The following PCSK1 variants were observed in gnomAD, a reference collection of about 807,000 sequenced individuals.
PCSK1 encodes the protein proprotein convertase subtilisin/kexin type 1.
A neutral mutation model predicts 90.6 loss-of-function variants in PCSK1; 56 were observed. That is an observed-to-expected ratio of 0.62 (90% CI 0.50 to 0.77). The LOEUF is 0.77. Among genes scored for constraint, PCSK1 ranks in the 30% least tolerant of loss-of-function variants. PCSK1 has a pLI of 0.00. For missense variants in PCSK1, 801 were observed against 932.6 expected (o/e 0.86, Z 1.84); for synonymous variants, 348 against 342.4 (o/e 1.02, Z -0.18).
chr5:96,399,069 GT>G, intron 10 of PCSK1, 33 bp from the exon 11 acceptor site: 1 of 1,530,598 alleles, frequency 6.5e-7, no homozygotes, highest in Non-Finnish European at 9.0e-7. Context: ...ATTGAATAAA[GT>G]ATATCCAAAC....
intron 2 of PCSK1, among the ~76,000 whole-genome samples, chr5:96,427,754 G>C (rs1208018945): frequency 6.6e-6 from 1 of 152,152 alleles, no homozygotes; most frequent in Non-Finnish European, 1.5e-5. Context: ...AGTTCTATGT[G>C]CATTAATGGG....
In PCSK1 at chr5:96,412,432, G is replaced by A. The variant is rs755173895; in HGVS notation, c.768C>T (p.Phe256=). ...TDAIEASSIG[F]NPGHVDIYSA... ...TGTAAATATCCACGTGTCCAGGATTGAATCCAATTGAACTGGCCTCAATAG... is the reference window on the plus strand; with the variant it reads ...TGTAAATATCCACGTGTCCAGGATTAAATCCAATTGAACTGGCCTCAATAG... Residue 256 remains phenylalanine (F), a synonymous_variant, in exon 7 of 14, where the codon TTC becomes TTT. Transcript: ENST00000311106. 2 of 1,613,750 alleles carry A rather than the reference G, an allele frequency of 1.2e-6. No homozygotes were observed. Among genetic ancestry groups the A allele is most frequent in the African/African-American group, 1.3e-5 (1 of 74,886 alleles).
chr5:96,407,411 A>G (rs535096793), intron 9 of PCSK1, among the ~76,000 whole-genome samples: 1 of 152,340 alleles, frequency 6.6e-6, no homozygotes, highest in South Asian at 2.1e-4. Context: ...TCACCTATCA[A>G]CATAGCAAAT....
chr5:96,397,837 A>G (rs1041822790), intron 11 of PCSK1, among the ~76,000 whole-genome samples: 2 of 152,146 alleles, frequency 1.3e-5, no homozygotes, highest in Admixed American at 1.3e-4. Flanking sequence ...TGAAACTATC[A>G]TTTCTGAAGT....
chr5:96,420,079 G>T (rs1761072179), intron 5 of PCSK1, among the ~76,000 whole-genome samples: 1 of 152,096 alleles, frequency 6.6e-6, no homozygotes, highest in African/African-American at 2.4e-5. Context: ...CTTAACCAAG[G>T]GGGTGGAATG....
In PCSK1 at chr5:96,401,450, G is replaced by A. The variant is rs185139343; in HGVS notation, c.1197-1264C>T. ...GAGAACCTGGCATGCCAGAAAGGGA[G>A]CTTATACTTTATCTTTTGGGCAGTG... On this transcript the variant is annotated intron_variant, in intron 9 of 13. Coordinates refer to ENST00000311106, the MANE Select transcript of PCSK1 (RefSeq NM_000439.5). Among the ~76,000 whole-genome samples, 8 of 152,322 alleles carry A rather than the reference G, an allele frequency of 5.3e-5. No homozygotes were observed. The East Asian group carries it at 1.5e-3, about 29-fold the overall frequency.
intron 3 of PCSK1, among the ~76,000 whole-genome samples, chr5:96,425,003 G>GA (rs1561376164): frequency 1.9e-5 from 2 of 106,412 alleles, no homozygotes; most frequent in Non-Finnish European, 3.7e-5. Context: ...GAAAGAGAAA[G>GA]AAAGAAAAGA....
intron 13 of PCSK1, 24 bp from the exon 14 acceptor site, chr5:96,393,402 A>C: frequency 6.2e-7 from 1 of 1,612,856 alleles, no homozygotes; most frequent in Non-Finnish European, 8.5e-7. Context: ...TGCCATCCAC[A>C]AAGGGAAGAA....
intron 7 of PCSK1, among the ~76,000 whole-genome samples, chr5:96,411,317 C>A (rs779913179): frequency 5.3e-4 from 81 of 152,326 alleles, no homozygotes; most frequent in South Asian, 2.1e-4. Context: ...GCACTTAAAT[C>A]TTTGAACTTC....
At chr5:96,395,119 C>G (rs1760087632) in intron 12 of PCSK1, 94 bp from the exon 13 acceptor site, 1 of 1,024,166 alleles carries the variant, frequency 9.8e-7, no homozygotes, top group Non-Finnish European at 1.5e-6. Flanking sequence ...TTGTTAAAAT[C>G]TCATTTTAAG....
intron 10 of PCSK1, 66 bp from the exon 11 acceptor site, chr5:96,399,102 C>A: frequency 7.0e-6 from 8 of 1,135,750 alleles, no homozygotes; most frequent in Non-Finnish European, 9.1e-6. Context: ...TTATGCATAT[C>A]TGCATGCATC....
Position 96,412,343 on chromosome 5 carries a change from T to A in PCSK1, c.857A>T (p.Lys286Met). ...TVEGPGRLAQ[K>M]AFEYGVKQGR... The stretch of plus-strand genomic sequence containing the variant: ...CTGTTTGACACCATATTCAAAAGCC[T>A]TCTGGGCTAGCCGGCCAGGCCCCTC... The change falls in exon 7 of 14, where the codon AAG (lysine) becomes ATG (methionine). Residue 286 changes from lysine (K) to methionine (M), a missense_variant. Physicochemically the swap from Lys to Met is moderately conservative, Grantham distance 95 (BLOSUM62 -1). Coordinates refer to ENST00000311106, the MANE Select transcript of PCSK1 (RefSeq NM_000439.5). 1 of 1,614,224 alleles carries A rather than the reference T, an allele frequency of 6.2e-7. No homozygotes were observed. Among genetic ancestry groups the A allele is most frequent in the Non-Finnish European group, 8.5e-7 (1 of 1,180,040 alleles).
intron 11 of PCSK1, among the ~76,000 whole-genome samples, chr5:96,397,774 C>T (rs1475138868): frequency 1.3e-5 from 2 of 151,520 alleles, no homozygotes; most frequent in Non-Finnish European, 2.9e-5. Flanking sequence ...GAAAACTCGG[C>T]GAACTACATT....
rs886060885 is a variant in PCSK1 at position 96,392,738 on chromosome 5, CT to C, written c.*262del. 6.3e-4 allele frequency: 324 copies of C among 511,768 alleles called. 1 individual carries two copies. Among genetic ancestry groups the C allele is most frequent in the Non-Finnish European group, 7.3e-4 (207 of 285,008 alleles). 31.7% of individuals were successfully genotyped at this position (511,768 alleles called of 1,614,324 possible). A position where few individuals can be genotyped will look rare whatever the true frequency, so the allele number is the denominator to read the frequency against. On this transcript the variant is annotated 3_prime_UTR_variant, in exon 14 of 14. Transcript: ENST00000311106. Reference sequence around the variant, plus strand: ...ATGTAGTGTAAGAGCTTTTTGTCAACTGTGACTCCAGAAAGAACAAAACACT... The same window carrying C: ...ATGTAGTGTAAGAGCTTTTTGTCAACGTGACTCCAGAAAGAACAAAACACT...
intron 9 of PCSK1, among the ~76,000 whole-genome samples, chr5:96,403,272 A>T (rs1255524673): frequency 1.3e-5 from 2 of 151,988 alleles, no homozygotes; most frequent in African/African-American, 2.4e-5. Flanking sequence ...TTCTTTTTTT[A>T]TTATTATTAT....
In PCSK1 at chr5:96,420,210, G is replaced by A. The variant is rs935818386; in HGVS notation, c.620+1670C>T. 4.6e-5 allele frequency among the ~76,000 whole-genome samples: 7 copies of A among 152,324 alleles called. No individual in the cohort carries two copies. In the South Asian group the frequency reaches 1.5e-3, roughly 32 times the overall value. ...TACGTTGTCACCCAGTTTAGGGGAAGAAAATGGAATAGAGGCAGAGAGAGG... is the reference window on the plus strand; with the variant it reads ...TACGTTGTCACCCAGTTTAGGGGAAAAAAATGGAATAGAGGCAGAGAGAGG... On this transcript the variant is annotated intron_variant, in intron 5 of 13. Coordinates refer to ENST00000311106, the MANE Select transcript of PCSK1 (RefSeq NM_000439.5).
intron 9 of PCSK1, among the ~76,000 whole-genome samples, chr5:96,405,111 A>T (rs1760511734): frequency 6.6e-6 from 1 of 152,178 alleles, no homozygotes; most frequent in African/African-American, 2.4e-5. Flanking sequence ...GTTCAGAAAA[A>T]TGTTCAATTG....
At chr5:96,429,834 G>T (rs1313707573) in intron 1 of PCSK1, among the ~76,000 whole-genome samples, 1 of 152,184 alleles carries the variant, frequency 6.6e-6, no homozygotes, top group African/African-American at 2.4e-5. Flanking sequence ...TGAGTTCACA[G>T]TATATTCATT....
intron 9 of PCSK1, among the ~76,000 whole-genome samples, chr5:96,405,326 C>G (rs1760524687): frequency 6.6e-6 from 1 of 152,140 alleles, no homozygotes; most frequent in African/African-American, 2.4e-5. Context: ...AGCCATTCCC[C>G]AGAAATATGC....
Sources: gnomAD v4.1 joint callset for allele counts (sites outside exome capture counted in the v4.1 genomes callset) on GRCh38, gnomAD v4.1.1 for gene constraint, MANE v1.5 for transcripts, NCBI Gene and HGNC (gene_info 2026-07-23, HGNC 2026-07-21) for gene names.